Variants in B4GALT4 observed in about 807,000 individuals in gnomAD.
B4GALT4 encodes the protein N-acetyllactosamine synthase.
A neutral mutation model predicts 37.3 loss-of-function variants in B4GALT4; 27 were observed. The observed-to-expected ratio is 0.72, with a 90% CI of 0.53 to 1.00. The LOEUF is 1.00. Ranked by LOEUF, B4GALT4 falls within the 50% of genes least tolerant of loss-of-function variation. The probability of loss-of-function intolerance (pLI) is 0.00; values close to 1 mark genes in which losing one functional copy is unlikely to be tolerated. For missense variants in B4GALT4, 372 were observed against 413.1 expected (o/e 0.90, Z 0.86); for synonymous variants, 148 against 154.1 (o/e 0.96, Z 0.29).
intron 4 of B4GALT4, 32 bp downstream of exon 4, chr3:119,226,777 G>A (rs370906725): frequency 3.0e-4 from 468 of 1,582,816 alleles, no homozygotes; most frequent in Non-Finnish European, 3.8e-4. Flanking sequence ...GAGGAGGGTC[G>A]AGGGCAGGCC....
chr3:119,240,405 G>A (rs2079118985), intron 1 of B4GALT4: 1 of 152,236 alleles, frequency 6.6e-6, no homozygotes, highest in Admixed American at 6.5e-5. Flanking sequence ...CGCAGGACTG[G>A]GGCTGGTGTC....
At position 119,218,456 on chromosome 3, in the gene B4GALT4, C is replaced by T. The variant is rs746494208; in HGVS notation, c.797+194G>A. On this transcript the variant is annotated intron_variant, in intron 6 of 7. Coordinates refer to ENST00000393765, the MANE Select transcript of B4GALT4 (RefSeq NM_003778.4). ...CTTCTGGACCCCAAATGCCCCCAGG[C>T]CAGAAGTAAACTGCTACTGGCACAG... 4.6e-5 allele frequency among the ~76,000 whole-genome samples: 7 copies of T among 152,282 alleles called. No individual in the cohort carries two copies. In the South Asian group the frequency reaches 1.5e-3, roughly 32 times the overall value.
At position 119,220,322 on chromosome 3, in the gene B4GALT4, C is replaced by T. The variant is rs372826338; in HGVS notation, c.675-1550G>A. On this transcript the variant is annotated intron_variant, in intron 5 of 7. Coordinates refer to ENST00000393765, the MANE Select transcript of B4GALT4 (RefSeq NM_003778.4). ...GAACACCAGCTGCCTGATCAGGATGCGGTAATAAGGCAGGCATAACCTGCT... is the reference window on the plus strand; with the variant it reads ...GAACACCAGCTGCCTGATCAGGATGTGGTAATAAGGCAGGCATAACCTGCT... Among the ~76,000 whole-genome samples the T allele has an allele frequency of 1.1e-4, 16 of 152,316 alleles. No homozygotes were observed. In the South Asian group the frequency reaches 3.3e-3, roughly 32 times the overall value.
At chr3:119,224,671 A>G (rs1215577193) in intron 4 of B4GALT4, among the ~76,000 whole-genome samples, 2 of 152,008 alleles carry the variant, frequency 1.3e-5, no homozygotes, top group East Asian at 3.8e-4. Context: ...AAAAATTTTA[A>G]AAAGTTAAAA....
chr3:119,229,765 T>C, intron 3 of B4GALT4, 82 bp downstream of exon 3: 1 of 1,410,274 alleles, frequency 7.1e-7, no homozygotes, highest in Non-Finnish European at 9.6e-7. Flanking sequence ...GTACATGAGA[T>C]GTTTTGATAC....
chr3:119,216,363 T>C lies in B4GALT4; in HGVS notation c.798-19A>G, dbSNP rs982586591. 3.1e-6 allele frequency: 5 copies of C among 1,591,636 alleles called. No individual in the cohort carries two copies. The highest frequency in any genetic ancestry group is 2.7e-5 in the African/African-American group (2 of 73,894). On this transcript the variant is annotated intron_variant, in intron 6 of 7. Coordinates refer to ENST00000393765, the MANE Select transcript of B4GALT4 (RefSeq NM_003778.4). ...CTCAACCCTAGAAAAATAATAGAGA[T>C]TTTTTTAAAGTCCATCCTATTTATC...
chr3:119,224,128 C>A lies in B4GALT4; in HGVS notation c.604G>T (p.Asp202Tyr). 1.2e-6 allele frequency: 2 copies of A among 1,614,154 alleles called. No individual in the cohort carries two copies. Among genetic ancestry groups the A allele is most frequent in the Non-Finnish European group, 1.7e-6 (2 of 1,180,034 alleles). The part of the protein sequence containing the change: ...FHDVDLVPEN[D>Y]FNLYKCEEHP... ...TCCTCACACTTGTAAAGGTTAAAGT[C>A]ATTCTCGGGTACCAGGTCCACATCG... Residue 202 changes from aspartate (D) to tyrosine (Y), a missense_variant, in exon 5 of 8, where the codon GAC becomes TAC. Asp to Tyr is a radical substitution (Grantham distance 160). Coordinates refer to ENST00000393765, the MANE Select transcript of B4GALT4 (RefSeq NM_003778.4).
At chr3:119,239,864 C>G (rs905133533) in intron 1 of B4GALT4, among the ~76,000 whole-genome samples, 1 of 152,120 alleles carries the variant, frequency 6.6e-6, no homozygotes, top group Non-Finnish European at 1.5e-5. Flanking sequence ...TCCAGCACTC[C>G]CCGCCTGGGT....
rs72655940 is a variant in B4GALT4, at chr3:119,212,438, C to A, written c.*111G>T. On this transcript the variant is annotated 3_prime_UTR_variant, in exon 8 of 8. Coordinates refer to ENST00000393765, the MANE Select transcript of B4GALT4 (RefSeq NM_003778.4). ...AAATACAAAAAGGAAAAATTCAGCT[C>A]AACAATGAGCTGTAACAGGTTCTTA... 3.6e-3 allele frequency: 4,109 copies of A among 1,148,008 alleles called. 10 individuals are homozygous for A. The highest frequency in any genetic ancestry group is 4.6e-3 in the Non-Finnish European group (3,727 of 811,518). The allele number at this position is 1,148,008 out of a possible 1,614,324, so 71.1% of individuals were successfully genotyped here.
intron 5 of B4GALT4, among the ~76,000 whole-genome samples, chr3:119,223,837 C>T (rs1416010362): frequency 2.6e-5 from 4 of 152,220 alleles, no homozygotes; most frequent in African/African-American, 9.7e-5. Flanking sequence ...ATATTTCTCT[C>T]CAATGCTTTC....
Position 119,226,901 on chromosome 3 carries a change from T to G in B4GALT4, c.394A>C (p.Asn132His), listed in dbSNP as rs753847945. ...AGGTACATCAGGTGTTTCTCTCTGTTCCGGTGGGGAACGAGGATGGCGACC... is the reference window on the plus strand; with the variant it reads ...AGGTACATCAGGTGTTTCTCTCTGTGCCGGTGGGGAACGAGGATGGCGACC... ...QRVAILVPHR[N>H]REKHLMYLLE... Residue 132 changes from asparagine to histidine, a missense_variant, in exon 4 of 8, where the codon AAC (asparagine) becomes CAC (histidine). Asn to His is a moderately conservative substitution (Grantham distance 68). Coordinates refer to ENST00000393765, the MANE Select transcript of B4GALT4 (RefSeq NM_003778.4). 3.1e-6 allele frequency: 5 copies of G among 1,614,024 alleles called. No homozygotes were observed. Among genetic ancestry groups the G allele is most frequent in the Non-Finnish European group, 3.4e-6 (4 of 1,180,040 alleles).
chr3:119,220,761 C>T (rs4687840), intron 5 of B4GALT4, among the ~76,000 whole-genome samples: 9 of 152,042 alleles, frequency 5.9e-5, no homozygotes, highest in South Asian at 4.2e-4. Flanking sequence ...CCAAGGCGGA[C>T]GGATCAAGAG....
At chr3:119,216,208 T>A in intron 7 of B4GALT4, 32 bp downstream of exon 7, 2 of 1,534,190 alleles carry the variant, frequency 1.3e-6, no homozygotes, top group Non-Finnish European at 1.8e-6. Flanking sequence ...ACTAGGGAGG[T>A]AGCCTGCTAG....
intron 7 of B4GALT4, chr3:119,214,500 G>A (rs1034890230): frequency 4.6e-5 from 7 of 152,174 alleles, no homozygotes; most frequent in Non-Finnish European, 8.8e-5. Flanking sequence ...CACAGGGAGG[G>A]AAGCTCTCGA....
At chr3:119,235,993 C>T (rs1329011282) in intron 2 of B4GALT4, among the ~76,000 whole-genome samples, 1 of 152,076 alleles carries the variant, frequency 6.6e-6, no homozygotes, top group African/African-American at 2.4e-5. Context: ...CAGCAAACAC[C>T]ACTTAATAAC....
intron 3 of B4GALT4, among the ~76,000 whole-genome samples, chr3:119,228,639 G>A (rs1241430792): frequency 6.6e-6 from 1 of 152,222 alleles, no homozygotes; most frequent in African/African-American, 2.4e-5. Flanking sequence ...AAGAGAAGCA[G>A]CATGCCAATA....
intron 2 of B4GALT4, among the ~76,000 whole-genome samples, chr3:119,235,867 C>T (rs1196931345): frequency 2.6e-5 from 4 of 151,930 alleles, no homozygotes; most frequent in Admixed American, 1.3e-4. Flanking sequence ...AAGTGACTAT[C>T]CACTAGTCTA....
chr3:119,212,406 G>T lies in B4GALT4; in HGVS notation c.*143C>A. 1.3e-6 allele frequency: 1 copy of T among 783,008 alleles called. No individual in the cohort carries two copies. The highest frequency in any genetic ancestry group is 2.0e-6 in the Non-Finnish European group (1 of 497,340). The allele number at this position is 783,008 out of a possible 1,614,324, so 48.5% of individuals were successfully genotyped here. On this transcript the variant is annotated 3_prime_UTR_variant, in exon 8 of 8. Transcript: ENST00000393765. ...TATACTCTACATCACCAGGAGCTCT[G>T]CTAAGAAAATACAAAAAGGAAAAAT...
intron 7 of B4GALT4, chr3:119,213,321 C>T (rs2078208995): frequency 6.6e-6 from 1 of 152,224 alleles, no homozygotes; most frequent in Non-Finnish European, 1.5e-5. Flanking sequence ...TGGCCAGAAC[C>T]ATGGAATCTG....
Sources: allele counts gnomAD v4.1 joint callset (sites outside exome capture counted in the v4.1 genomes callset), GRCh38; gene constraint gnomAD v4.1.1; transcripts MANE v1.5; gene names NCBI Gene and HGNC (gene_info 2026-07-23, HGNC 2026-07-21).